The following ERC2 variants were observed in gnomAD, a reference collection of about 807,000 sequenced individuals.
ERC2 encodes ELKS/RAB6-interacting/CAST family member 2.
Under a neutral mutation model 114.8 loss-of-function variants are expected in ERC2, and 42 were observed. That is an observed-to-expected ratio of 0.37 (90% CI 0.29 to 0.47). The LOEUF is 0.47. Among genes scored for constraint, ERC2 ranks in the 20% least tolerant of loss-of-function variants. The pLI, the probability that ERC2 is intolerant of heterozygous loss-of-function variation, is 0.99. For synonymous variants in ERC2, 454 were observed against 425.5 expected (o/e 1.07, Z -0.82); for missense variants, 939 against 1,150.7 (o/e 0.82, Z 2.66).
At chr3:55,907,992 A>G (rs940955303) in intron 13 of ERC2, among the ~76,000 whole-genome samples, 2 of 152,178 alleles carry the variant, frequency 1.3e-5, no homozygotes, top group South Asian at 2.1e-4. Flanking sequence ...ACATTGGGAA[A>G]AGCAACACAC....
At chr3:56,014,351 T>C (rs1384467896) in intron 8 of ERC2, among the ~76,000 whole-genome samples, 3 of 152,172 alleles carry the variant, frequency 2.0e-5, no homozygotes, top group Admixed American at 6.5e-5. Flanking sequence ...ACTCCTCATC[T>C]GTTGTCCAAT....
intron 7 of ERC2, among the ~76,000 whole-genome samples, chr3:56,079,148 A>T (rs2077110727): frequency 6.6e-6 from 1 of 152,122 alleles, no homozygotes. Flanking sequence ...TAATTACATT[A>T]AAAAAAGTAA....
At chr3:56,340,106 T>C (rs1341743711) in intron 2 of ERC2, among the ~76,000 whole-genome samples, 1 of 152,206 alleles carries the variant, frequency 6.6e-6, no homozygotes, top group Non-Finnish European at 1.5e-5. Context: ...TTGGTAAATA[T>C]ATACACAGTA....
intron 17 of ERC2, among the ~76,000 whole-genome samples, chr3:55,524,178 C>T (rs2053152633): frequency 6.6e-6 from 1 of 152,224 alleles, no homozygotes. Context: ...ATCTCCCCCT[C>T]TATACTCGCC....
intron 2 of ERC2, among the ~76,000 whole-genome samples, chr3:56,301,868 C>T (rs1042867343): frequency 6.6e-6 from 1 of 151,976 alleles, no homozygotes; most frequent in Admixed American, 6.6e-5. Context: ...ATTCCTTCTA[C>T]CTTGGAATCA....
At chr3:55,766,003 TG>T (rs973043545) in intron 14 of ERC2, among the ~76,000 whole-genome samples, 12 of 152,150 alleles carry the variant, frequency 7.9e-5, no homozygotes, top group African/African-American at 2.9e-4. Flanking sequence ...TACTCCAAAT[TG>T]GGGGAAGAAT....
intron 6 of ERC2, among the ~76,000 whole-genome samples, chr3:56,084,960 G>A (rs898109750): frequency 3.3e-5 from 5 of 151,948 alleles, no homozygotes; most frequent in Non-Finnish European, 5.9e-5. Context: ...GGACACTTAG[G>A]TTTTTAGGAC....
At chr3:55,693,946 T>C (rs1484030962) in intron 16 of ERC2, among the ~76,000 whole-genome samples, 1 of 152,138 alleles carries the variant, frequency 6.6e-6, no homozygotes, top group African/African-American at 2.4e-5. Flanking sequence ...TGACATCAGG[T>C]GATCTGACTG....
At chr3:56,362,145 A>C (rs1267663882) in intron 2 of ERC2, among the ~76,000 whole-genome samples, 1 of 152,224 alleles carries the variant, frequency 6.6e-6, no homozygotes, top group East Asian at 1.9e-4. Flanking sequence ...AAGGAAGGAC[A>C]TTGGTTGACC....
intron 6 of ERC2, among the ~76,000 whole-genome samples, chr3:56,088,240 T>C (rs899622758): frequency 6.6e-5 from 10 of 152,150 alleles, no homozygotes; most frequent in African/African-American, 2.4e-4. Flanking sequence ...AAGTCCTCAA[T>C]CCTTAAAACG....
intron 17 of ERC2, among the ~76,000 whole-genome samples, chr3:55,622,774 G>C (rs1262010329): frequency 1.3e-5 from 2 of 151,874 alleles, no homozygotes; most frequent in Non-Finnish European, 2.9e-5. Flanking sequence ...AAACAGAAGA[G>C]GGTCATATTA....
At chr3:55,840,909 A>T (rs2061104217) in intron 14 of ERC2, among the ~76,000 whole-genome samples, 1 of 152,180 alleles carries the variant, frequency 6.6e-6, no homozygotes. Flanking sequence ...ACTACTATAT[A>T]GCAGAGTGAC....
intron 7 of ERC2, among the ~76,000 whole-genome samples, chr3:56,033,046 A>AAGAAAGAAAAAAGAAAC (rs2074561463): frequency 1.1e-5 from 1 of 95,094 alleles, no homozygotes; most frequent in African/African-American, 3.1e-5. Flanking sequence ...GAAAGAAAGA[A>AAGAAAGAAAAAAGAAAC]AGAAAGAAAG....
chr3:55,783,152 C>T (rs996660769), intron 14 of ERC2, among the ~76,000 whole-genome samples: 3 of 152,148 alleles, frequency 2.0e-5, no homozygotes, highest in Non-Finnish European at 2.9e-5. Context: ...GAATACTTAC[C>T]GAAGCCTGAA....
At chr3:56,407,682 AC>A (rs1329932318) in intron 2 of ERC2, among the ~76,000 whole-genome samples, 1 of 152,028 alleles carries the variant, frequency 6.6e-6, no homozygotes. Flanking sequence ...AGTAATTTCC[AC>A]CCTGACTGCA....
At chr3:55,619,342 G>C (rs150812679) in intron 17 of ERC2, among the ~76,000 whole-genome samples, 2 of 152,166 alleles carry the variant, frequency 1.3e-5, no homozygotes, top group Non-Finnish European at 2.9e-5. Flanking sequence ...GTTGCGTTAC[G>C]CTCAAATGTA....
At chr3:56,252,756 T>TAAAAA (rs2052255256) in intron 3 of ERC2, among the ~76,000 whole-genome samples, 1 of 32,590 alleles carries the variant, frequency 3.1e-5, no homozygotes, top group Non-Finnish European at 6.2e-5. Context: ...AAACTCTGTC[T>TAAAAA]CAAAAAAAAA....
intron 2 of ERC2, among the ~76,000 whole-genome samples, chr3:56,343,385 G>T (rs967204283): frequency 6.6e-5 from 10 of 151,894 alleles, no homozygotes; most frequent in Non-Finnish European, 1.3e-4. Context: ...CAAATTTTAG[G>T]CTAGGCACAA....
At chr3:56,341,957 C>A (rs2058104941) in intron 2 of ERC2, among the ~76,000 whole-genome samples, 1 of 152,212 alleles carries the variant, frequency 6.6e-6, no homozygotes, top group Non-Finnish European at 1.5e-5. Context: ...GACACTCCTG[C>A]AGGCTGGCTG....
Sources: allele counts gnomAD v4.1 joint callset (sites outside exome capture counted in the v4.1 genomes callset), GRCh38; gene constraint gnomAD v4.1.1; transcripts MANE v1.5; gene names NCBI Gene and HGNC (gene_info 2026-07-23, HGNC 2026-07-21).